The following CNOT2 variants were observed in gnomAD, a reference collection of about 807,000 sequenced individuals.
CNOT2 encodes the protein CCR4-NOT transcription complex subunit 2.
CNOT2 carries 7 observed loss-of-function variants against 72.1 expected under a neutral mutation model. The ratio of observed to expected loss-of-function variants is 0.10; its 90% CI spans 0.06 to 0.18. CNOT2 has a LOEUF of 0.18. CNOT2 is among the 10% of genes least tolerant of loss of function. CNOT2 has a pLI of 1.00. For synonymous variants in CNOT2, 196 were observed against 225.6 expected (o/e 0.87, Z 1.17); for missense variants, 345 against 660.3 (o/e 0.52, Z 5.23).
rs969042705 is a variant in CNOT2, at chr12:70,287,983, G to A, written c.48+9709G>A. 2.0e-5 allele frequency among the ~76,000 whole-genome samples: 3 copies of A among 149,580 alleles called. 1 individual carries two copies. Among genetic ancestry groups the A allele is most frequent in the African/African-American group, 7.3e-5 (3 of 41,160 alleles). On this transcript the variant is annotated intron_variant, in intron 2 of 15. Coordinates refer to ENST00000229195, the MANE Select transcript of CNOT2 (RefSeq NM_014515.7). ...CCAAATAAAATATTAGCTTGAGGTT[G>A]CAGTCCACATAGGCAATGTGAATTT...
chr12:70,344,341 A>G lies in CNOT2; in HGVS notation c.1391+113A>G, dbSNP rs11178193. On this transcript the variant is annotated intron_variant, in intron 14 of 15. Coordinates refer to ENST00000229195, the MANE Select transcript of CNOT2 (RefSeq NM_014515.7). ...AATGGAACTATTTCTCCATCAAGAA[A>G]TTTATTTTTACATTATTAAAGTGAA... 121 of 648,494 alleles carry G rather than the reference A, an allele frequency of 1.9e-4. 1 individual carries two copies. The East Asian group carries it at 3.0e-3, about 16-fold the overall frequency. The allele number at this position is 648,494 out of a possible 1,614,324, so 40.2% of individuals were successfully genotyped here.
intron 3 of CNOT2, among the ~76,000 whole-genome samples, chr12:70,318,116 G>A (rs1353576418): frequency 3.3e-5 from 5 of 151,956 alleles, no homozygotes; most frequent in East Asian, 3.9e-4. Flanking sequence ...TGCTGTTGTC[G>A]TTTAGTATCT....
intron 3 of CNOT2, among the ~76,000 whole-genome samples, chr12:70,316,332 T>C (rs1877324950): frequency 6.6e-6 from 1 of 152,228 alleles, no homozygotes; most frequent in Non-Finnish European, 1.5e-5. Flanking sequence ...TAGTACTTAC[T>C]GTTCTGTCAG....
intron 2 of CNOT2, among the ~76,000 whole-genome samples, chr12:70,280,411 T>G (rs527897386): frequency 6.6e-6 from 1 of 152,110 alleles, no homozygotes; most frequent in Non-Finnish European, 1.5e-5. Flanking sequence ...AAGAGAGAAC[T>G]TAAATCTTCC....
chr12:70,249,745 A>G (rs536359599), intron 1 of CNOT2, among the ~76,000 whole-genome samples: 2 of 152,226 alleles, frequency 1.3e-5, no homozygotes, highest in Non-Finnish European at 2.9e-5. Flanking sequence ...TAAAAATTAG[A>G]AACATTCACT....
intron 2 of CNOT2, among the ~76,000 whole-genome samples, chr12:70,308,584 T>TCTCTCTCTCTCTCTCTCTCTCACACA: frequency 7.5e-6 from 1 of 133,328 alleles, no homozygotes; most frequent in African/African-American, 2.8e-5. Flanking sequence ...TCTCTCTCTC[T>TCTCTCTCTCTCTCTCTCTCTCACACA]CACACACACA....
At chr12:70,309,767 G>T (rs947474073) in intron 2 of CNOT2, among the ~76,000 whole-genome samples, 2 of 152,092 alleles carry the variant, frequency 1.3e-5, no homozygotes, top group Non-Finnish European at 2.9e-5. Context: ...TCAAAGTACT[G>T]TTAGGAGAAA....
intron 1 of CNOT2, among the ~76,000 whole-genome samples, chr12:70,253,015 C>T (rs970601458): frequency 1.3e-5 from 2 of 152,162 alleles, no homozygotes; most frequent in Non-Finnish European, 2.9e-5. Context: ...CTCTTAGAGT[C>T]TAAACATGTT....
intron 2 of CNOT2, among the ~76,000 whole-genome samples, chr12:70,299,202 T>C (rs1253518672): frequency 6.6e-6 from 1 of 151,968 alleles, no homozygotes; most frequent in African/African-American, 2.4e-5. Flanking sequence ...CCACCAGATC[T>C]CATGAGACTT....
chr12:70,273,929 A>G (rs1356942175), intron 1 of CNOT2, among the ~76,000 whole-genome samples: 2 of 152,104 alleles, frequency 1.3e-5, no homozygotes, highest in African/African-American at 2.4e-5. Flanking sequence ...CATTATGACA[A>G]CCAGAGAGCA....
chr12:70,339,243 T>A (rs1170680377), intron 11 of CNOT2, among the ~76,000 whole-genome samples: 1 of 151,990 alleles, frequency 6.6e-6, no homozygotes, highest in African/African-American at 2.4e-5. Context: ...AGTCTCTCAA[T>A]TTTAAAATCT....
chr12:70,337,265 G>T, intron 8 of CNOT2, 124 bp from the exon 9 acceptor site: 2 of 654,308 alleles, frequency 3.1e-6, no homozygotes, highest in Non-Finnish European at 5.0e-6. Context: ...TTTGAAGTAC[G>T]CTTTCATAGC....
At chr12:70,321,883 G>A (rs1878356313) in intron 4 of CNOT2, 2 of 151,710 alleles carry the variant, frequency 1.3e-5, no homozygotes, top group African/African-American at 4.8e-5. Flanking sequence ...AGTGCCATGA[G>A]GTAGCCAGAA....
intron 4 of CNOT2, among the ~76,000 whole-genome samples, chr12:70,325,904 T>C (rs1000819162): frequency 2.6e-5 from 4 of 151,886 alleles, no homozygotes; most frequent in Non-Finnish European, 5.9e-5. Flanking sequence ...ATGATTTTAT[T>C]TTTTCATGTA....
chr12:70,314,075 C>T (rs150677363), intron 3 of CNOT2, among the ~76,000 whole-genome samples: 203 of 152,120 alleles, frequency 1.3e-3, no homozygotes, highest in Admixed American at 3.4e-3. Flanking sequence ...GATGGTTTTT[C>T]GGAAGGATAT....
At chr12:70,307,511 A>C (rs373401209) in intron 2 of CNOT2, among the ~76,000 whole-genome samples, 1 of 152,194 alleles carries the variant, frequency 6.6e-6, no homozygotes, top group Non-Finnish European at 1.5e-5. Context: ...CCACCGTTGT[A>C]TATATGGTCC....
intron 1 of CNOT2, 34 bp downstream of exon 1, chr12:70,243,514 G>C (rs1220180624): frequency 2.0e-5 from 3 of 152,532 alleles, no homozygotes; most frequent in Non-Finnish European, 4.4e-5. Context: ...AAGTCTGGCA[G>C]CGGGGCGCGC....
Position 70,330,452 on chromosome 12 carries a change from G to A in CNOT2, c.552G>A (p.Gln184=), listed in dbSNP as rs788378. 2,627 of 1,611,694 alleles carry A rather than the reference G, an allele frequency of 1.6e-3. 37 individuals are homozygous for A. In the African/African-American group the frequency reaches 0.031, roughly 19 times the overall value. The change falls in exon 6 of 16, where the codon CAG becomes CAA. Residue 184 remains glutamine (Q), a synonymous_variant. Transcript: ENST00000229195. ...TGCCAAAGCAGCAGCCTTCTCGACA[G>A]CCTTTTACTGTGAACAGGTAAGATG... ...ICMPKQQPSR[Q]PFTVNSMSGF... is the part of the protein sequence containing the mutation.
intron 2 of CNOT2, among the ~76,000 whole-genome samples, chr12:70,280,787 T>C (rs769143448): frequency 1.3e-5 from 2 of 152,198 alleles, no homozygotes; most frequent in African/African-American, 2.4e-5. Context: ...GTATCTACTT[T>C]GTGTGTTTTC....
Sources: gnomAD v4.1 joint callset for allele counts (sites outside exome capture counted in the v4.1 genomes callset) on GRCh38, gnomAD v4.1.1 for gene constraint, MANE v1.5 for transcripts, NCBI Gene and HGNC (gene_info 2026-07-23, HGNC 2026-07-21) for gene names.